Variants in CADM2 observed in about 807,000 individuals in gnomAD.
The protein encoded by CADM2 is cell adhesion molecule 2, also known as immunoglobulin superfamily member 4D.
A neutral mutation model predicts 49.8 loss-of-function variants in CADM2; 12 were observed. That is an observed-to-expected ratio of 0.24 (90% CI 0.15 to 0.39). The LOEUF (loss-of-function observed/expected upper bound fraction) is 0.39. CADM2 is among the 10% of genes least tolerant of loss of function. The pLI, the probability that CADM2 is intolerant of heterozygous loss-of-function variation, is 1.00. For synonymous variants in CADM2, 214 were observed against 175.4 expected (o/e 1.22, Z -1.74); for missense variants, 378 against 492.3 (o/e 0.77, Z 2.20).
chr3:85,538,657 A>C (rs547166294), intron 1 of CADM2, among the ~76,000 whole-genome samples: 1 of 152,246 alleles, frequency 6.6e-6, no homozygotes, highest in African/African-American at 2.4e-5. Context: ...TTATCAAGAA[A>C]ACTATTGTCA....
chr3:85,695,265 T>C (rs1290019406), intron 1 of CADM2, among the ~76,000 whole-genome samples: 1 of 152,142 alleles, frequency 6.6e-6, no homozygotes, highest in African/African-American at 2.4e-5. Context: ...AATTCGGGCT[T>C]TTAGTGTACC....
chr3:84,984,356 T>TAAAAAAAAAAAAAAAAAAA (rs375702349), intron 1 of CADM2, among the ~76,000 whole-genome samples: 2 of 67,090 alleles, frequency 3.0e-5, no homozygotes, highest in Admixed American at 2.0e-4. Context: ...AAGATTAAGC[T>TAAAAAAAAAAAAAAAAAAA]AAAAAAAAAA....
intron 1 of CADM2, among the ~76,000 whole-genome samples, chr3:85,333,725 G>C (rs190354217): frequency 6.6e-6 from 1 of 151,706 alleles, no homozygotes; most frequent in African/African-American, 2.4e-5. Context: ...AAATTCAAGC[G>C]GATGATTGGG....
chr3:85,354,864 G>A (rs564928843), intron 1 of CADM2, among the ~76,000 whole-genome samples: 1 of 152,146 alleles, frequency 6.6e-6, no homozygotes, highest in Admixed American at 6.6e-5. Flanking sequence ...GAGTGAGATG[G>A]CCAAATATAC....
intron 1 of CADM2, among the ~76,000 whole-genome samples, chr3:85,325,282 A>G (rs2044719806): frequency 6.6e-6 from 1 of 152,232 alleles, no homozygotes; most frequent in East Asian, 1.9e-4. Flanking sequence ...AGTGTCAAAC[A>G]TTACTCCTGA....
chr3:85,589,283 C>A (rs879471492), intron 1 of CADM2, among the ~76,000 whole-genome samples: 1 of 151,988 alleles, frequency 6.6e-6, no homozygotes, highest in East Asian at 1.9e-4. Context: ...AGTTCTCCTG[C>A]GGTAATATTT....
At position 84,989,405 on chromosome 3, in the gene CADM2, G is replaced by A. The variant is rs1182980504; in HGVS notation, c.61+29737G>A. Among the ~76,000 whole-genome samples, 6 of 151,958 alleles carry A rather than the reference G, an allele frequency of 3.9e-5. 1 individual carries two copies. The highest frequency in any genetic ancestry group is 8.8e-5 in the Non-Finnish European group (6 of 67,944). On this transcript the variant is annotated intron_variant, in intron 1 of 9. Coordinates refer to ENST00000383699, the MANE Select transcript of CADM2 (RefSeq NM_001167675.2). The stretch of plus-strand genomic sequence containing the variant: ...TTAAATAGATAAGTCTTTAACAATA[G>A]CAATCAAAATTAATATATTCTGTAA...
intron 1 of CADM2, among the ~76,000 whole-genome samples, chr3:85,294,813 G>A (rs901548946): frequency 2.6e-5 from 4 of 152,102 alleles, no homozygotes; most frequent in South Asian, 2.1e-4. Context: ...AGACTTAAAC[G>A]TTAGACCTAA....
intron 1 of CADM2, among the ~76,000 whole-genome samples, chr3:85,616,514 T>G (rs1435912827): frequency 9.2e-5 from 14 of 152,142 alleles, no homozygotes; most frequent in Non-Finnish European, 1.9e-4. Flanking sequence ...CAGGTGATTT[T>G]TATGTATTTA....
At chr3:85,436,172 C>T (rs2036920101) in intron 1 of CADM2, among the ~76,000 whole-genome samples, 1 of 152,028 alleles carries the variant, frequency 6.6e-6, no homozygotes, top group South Asian at 2.1e-4. Context: ...GTATTTTATT[C>T]TCTTTGTAGC....
chr3:85,593,307 G>A (rs2063156773), intron 1 of CADM2, among the ~76,000 whole-genome samples: 1 of 151,834 alleles, frequency 6.6e-6, no homozygotes, highest in Admixed American at 6.6e-5. Flanking sequence ...AGGTATACTT[G>A]TTTGAAAGTT....
chr3:85,324,876 CAT>C (rs1235852915), intron 1 of CADM2, among the ~76,000 whole-genome samples: 3 of 152,212 alleles, frequency 2.0e-5, no homozygotes, highest in African/African-American at 4.8e-5. Context: ...GCTGCAGTGT[CAT>C]AGTCTCATTC....
intron 3 of CADM2, among the ~76,000 whole-genome samples, chr3:85,851,433 G>A (rs1258907078): frequency 1.3e-5 from 2 of 151,912 alleles, no homozygotes; most frequent in Non-Finnish European, 2.9e-5. Flanking sequence ...TTTGAGGTCT[G>A]TAAAACAATT....
intron 1 of CADM2, among the ~76,000 whole-genome samples, chr3:85,154,734 G>A (rs1189477602): frequency 4.8e-5 from 7 of 146,720 alleles, no homozygotes; most frequent in South Asian, 4.4e-4. Flanking sequence ...GACTAACAGC[G>A]GATCTCTTGG....
intron 1 of CADM2, among the ~76,000 whole-genome samples, chr3:85,522,551 T>C (rs972359777): frequency 1.3e-5 from 2 of 152,180 alleles, no homozygotes; most frequent in African/African-American, 4.8e-5. Flanking sequence ...TGGCAATTCA[T>C]TGTCATTGTT....
At chr3:85,942,782 T>C (rs1344991488) in intron 7 of CADM2, among the ~76,000 whole-genome samples, 3 of 152,000 alleles carry the variant, frequency 2.0e-5, no homozygotes, top group African/African-American at 7.2e-5. Flanking sequence ...GTGAATAATG[T>C]CGCAGTAAAC....
intron 1 of CADM2, among the ~76,000 whole-genome samples, chr3:85,360,666 C>T (rs144149567): frequency 9.2e-5 from 14 of 152,278 alleles, no homozygotes; most frequent in Non-Finnish European, 1.8e-4. Flanking sequence ...AATTAATCAC[C>T]AGGTCCTGTT....
At chr3:85,371,226 G>A (rs2033204611) in intron 1 of CADM2, among the ~76,000 whole-genome samples, 2 of 152,100 alleles carry the variant, frequency 1.3e-5, no homozygotes, top group South Asian at 4.2e-4. Flanking sequence ...TAATGTCCAA[G>A]TTCTTCACAT....
chr3:85,508,161 A>G (rs1420527515), intron 1 of CADM2, among the ~76,000 whole-genome samples: 4 of 152,180 alleles, frequency 2.6e-5, no homozygotes, highest in African/African-American at 7.2e-5. Context: ...CGCTTCAGAA[A>G]TAGGCCTCCA....
Sources: gnomAD v4.1 joint callset for allele counts (sites outside exome capture counted in the v4.1 genomes callset) on GRCh38, gnomAD v4.1.1 for gene constraint, MANE v1.5 for transcripts, NCBI Gene and HGNC (gene_info 2026-07-23, HGNC 2026-07-21) for gene names.